Variants in PELP1 observed in about 807,000 individuals in gnomAD.
PELP1 encodes the protein proline, glutamate and leucine rich protein 1.
Under a neutral mutation model 95.5 loss-of-function variants are expected in PELP1, and 32 were observed. The ratio of observed to expected loss-of-function variants is 0.34; its 90% CI spans 0.25 to 0.45. PELP1 has a LOEUF of 0.45. Ranked by LOEUF, PELP1 falls within the 20% of genes least tolerant of loss-of-function variation. The pLI is 1.00. For synonymous variants in PELP1, 668 were observed against 600.1 expected, an observed-to-expected ratio of 1.11 and a Z score of -1.65; for missense variants, 1,358 against 1,444.8, an observed-to-expected ratio of 0.94 and a Z score of 0.97.
chr17:4,682,466 T>C (rs762379052), intron 5 of PELP1, 36 bp downstream of exon 5: 2 of 1,389,536 alleles, frequency 1.4e-6, no homozygotes, highest in Non-Finnish European at 1.0e-6. Context: ...CTCTCAACGC[T>C]TACACTGGTG....
chr17:4,682,944 G>C lies in PELP1; in HGVS notation c.429C>G (p.Asp143Glu), dbSNP rs1567664099. 2 of 1,427,294 alleles carry C rather than the reference G, an allele frequency of 1.4e-6. No homozygotes were observed. The highest frequency in any genetic ancestry group is 1.4e-5 in the South Asian group (1 of 70,172). 88.4% of individuals were successfully genotyped at this position (1,427,294 alleles called of 1,614,324 possible). A position where few individuals can be genotyped will look rare whatever the true frequency, so the allele number is the denominator to read the frequency against. Reference sequence around the variant, plus strand: ...CGGCCAGCTCCATTGTGGCAGGCGGGTCCTGGGTCTAAAGAAAAAAATAAT... The same window carrying C: ...CGGCCAGCTCCATTGTGGCAGGCGGCTCCTGGGTCTAAAGAAAAAAATAAT... Reference protein sequence around the residue: ...RSIQQVLQTQDPPATMELAVA... With the variant: ...RSIQQVLQTQEPPATMELAVA... Residue 143 changes from aspartate (D) to glutamate (E), a missense_variant, in exon 4 of 17, where the codon GAC (aspartate) becomes GAG (glutamate). Asp to Glu is a conservative substitution (Grantham distance 45). Around this residue, in one of 7 missense-constraint regions of PELP1, gnomAD observed 538 missense variants for 628.1 expected, o/e 0.86. Transcript: ENST00000572293.
chr17:4,690,869 G>C lies in PELP1; in HGVS notation c.420+19C>G. 6.7e-7 allele frequency: 1 copy of C among 1,500,636 alleles called. No individual in the cohort carries two copies. The highest frequency in any genetic ancestry group is 9.3e-7 in the Non-Finnish European group (1 of 1,076,710). The allele number at this position is 1,500,636 out of a possible 1,614,324, so 93.0% of individuals were successfully genotyped here. A position where few individuals can be genotyped will look rare whatever the true frequency, so the allele number is the denominator to read the frequency against. On this transcript the variant is annotated intron_variant, in intron 3 of 16. Coordinates refer to ENST00000572293, the MANE Select transcript of PELP1 (RefSeq NM_014389.3). ...AGATGGGGGAGGAGGAGGAAGTAGG[G>C]CAGCAGCTGAAACCTCACCTGTAAC...
At chr17:4,689,622 A>G (rs1405814303) in intron 3 of PELP1, among the ~76,000 whole-genome samples, 8 of 152,250 alleles carry the variant, frequency 5.3e-5, no homozygotes, top group African/African-American at 1.9e-4. Flanking sequence ...AGAGGAAAAG[A>G]AGCCATTATA....
intron 13 of PELP1, 68 bp downstream of exon 13, chr17:4,674,442 A>AG (rs1339564152): frequency 1.1e-5 from 15 of 1,405,228 alleles, no homozygotes; most frequent in Non-Finnish European, 9.9e-7. Flanking sequence ...TAGGTAGGGG[A>AG]GTCCCACTAG....
intron 5 of PELP1, among the ~76,000 whole-genome samples, chr17:4,681,598 G>A (rs979138894): frequency 2.0e-5 from 3 of 151,008 alleles, no homozygotes; most frequent in Non-Finnish European, 4.4e-5. Flanking sequence ...TCAAGAGATC[G>A]AGACCATCCT....
chr17:4,676,886 C>T (rs1912503942), intron 5 of PELP1, 74 bp from the exon 6 acceptor site: 2 of 1,143,374 alleles, frequency 1.7e-6, no homozygotes, highest in Admixed American at 2.1e-5. Context: ...CCATCCGTTC[C>T]CAGCAGCAGA....
Position 4,674,614 on chromosome 17 carries a change from G to A in PELP1, c.1478C>T (p.Ala493Val). The A allele has an allele frequency of 1.2e-6, 2 of 1,606,714 alleles. No individual in the cohort carries two copies. Among genetic ancestry groups the A allele is most frequent in the Non-Finnish European group, 1.7e-6 (2 of 1,177,906 alleles). ...CACATCCAGCTTTAGCTTCTTGGGG[G>A]CGCTAGGCTTCCCAGTCTGCAAACT... The part of the protein sequence containing the change: ...DGSLQTGKPS[A>V]PKKLKLDVGE... The change falls in exon 13 of 17, where the codon GCC becomes GTC. Residue 493 changes from alanine to valine, a missense_variant. By Grantham distance (64) the Ala-to-Val change is moderately conservative. Coordinates refer to ENST00000572293, the MANE Select transcript of PELP1 (RefSeq NM_014389.3).
At position 4,671,370 on chromosome 17, in the gene PELP1, G is replaced by A. The variant is rs1912190653; in HGVS notation, c.*69C>T. 2 of 897,778 alleles carry A rather than the reference G, an allele frequency of 2.2e-6. No individual in the cohort carries two copies. The highest frequency in any genetic ancestry group is 3.7e-6 in the Non-Finnish European group (2 of 536,926). The allele number at this position is 897,778 out of a possible 1,614,324, so 55.6% of individuals were successfully genotyped here. ...GGCTGGGGACCCAGGTGTGGCAAAA[G>A]GCAGAAGCAGCAGTCGCTATCTAAG... On this transcript the variant is annotated 3_prime_UTR_variant, in exon 17 of 17. Coordinates refer to ENST00000572293, the MANE Select transcript of PELP1 (RefSeq NM_014389.3).
At position 4,671,961 on chromosome 17, in the gene PELP1, C is replaced by T. The variant is rs1383936951; in HGVS notation, c.3030G>A (p.Glu1010=). ...CACGCTCCTCCTCCGTCCCTGGCTC[C>T]TCCACTTCCAAAAGCAGCCCGGGTT... ...EPEPGLLLEV[E]EPGTEEERGA... Residue 1010 remains glutamate (E), a synonymous_variant, in exon 16 of 17, where the codon GAG becomes GAA. Transcript: ENST00000572293. 3 of 1,536,908 alleles carry T rather than the reference C, an allele frequency of 2.0e-6. No homozygotes were observed. Among genetic ancestry groups the T allele is most frequent in the Non-Finnish European group, 2.6e-6 (3 of 1,146,980 alleles).
chr17:4,672,829 G>A lies in PELP1; in HGVS notation c.2162C>T (p.Pro721Leu). 6.2e-7 allele frequency: 1 copy of A among 1,613,928 alleles called. No homozygotes were observed. The highest frequency in any genetic ancestry group is 8.5e-7 in the Non-Finnish European group (1 of 1,179,846). Residue 721 changes from proline to leucine, a missense_variant, in exon 16 of 17, where the codon CCC (proline) becomes CTC (leucine). Around this residue, in one of 7 missense-constraint regions of PELP1, gnomAD observed 340 missense variants for 322.9 expected, o/e 1.05. Coordinates refer to ENST00000572293, the MANE Select transcript of PELP1 (RefSeq NM_014389.3). ...GTTCTCAGGGCCAGGAAGAAGCCGG[G>A]GAGGGACAGACACTAGGCCTGGGAC... ...LSVPGLVSVP[P>L]RLLPGPENHR...
rs1173347755 is a variant in PELP1 at position 4,690,945 on chromosome 17, T to C, written c.363A>G (p.Thr121=). The C allele has an allele frequency of 6.2e-7, 1 of 1,613,898 alleles. No homozygotes were observed. The highest frequency in any genetic ancestry group is 8.5e-7 in the Non-Finnish European group (1 of 1,179,782). ...ACACACAGTGCTGCTGGAATAGCTC[T>C]GTGGGGCTCTCCCCTACCAGCAGGG... ...LLSLLVGESP[T]ELFQQHCVSW... is the part of the protein sequence containing the mutation. Residue 121 remains threonine (T), a synonymous_variant, in exon 3 of 17, where the codon ACA becomes ACG. Coordinates refer to ENST00000572293, the MANE Select transcript of PELP1 (RefSeq NM_014389.3).
intron 1 of PELP1, among the ~76,000 whole-genome samples, chr17:4,694,530 G>A (rs1254548634): frequency 1.6e-5 from 2 of 122,136 alleles, no homozygotes; most frequent in Non-Finnish European, 3.3e-5. Flanking sequence ...CGTGGTGGCA[G>A]GCGCCTGTAA....
In PELP1 at chr17:4,675,236, C is replaced by G; in HGVS notation, c.1157+38G>C. On this transcript the variant is annotated intron_variant, in intron 10 of 16. Transcript: ENST00000572293. The surrounding 1 kb of genome is among the most constrained non-coding windows in gnomAD (Gnocchi z 4.3). Reference sequence around the variant, plus strand: ...AATGGTGACCCTCGTTTCTGGCACGCCCTATCCCTTCACCACAGCCAGCCC... The same window carrying G: ...AATGGTGACCCTCGTTTCTGGCACGGCCTATCCCTTCACCACAGCCAGCCC... 1 of 1,599,792 alleles carries G rather than the reference C, an allele frequency of 6.3e-7. No homozygotes were observed.
chr17:4,675,943 C>G lies in PELP1; in HGVS notation c.981-59G>C, dbSNP rs1912450481. The stretch of plus-strand genomic sequence containing the variant: ...CAGGCTCCCTGGCATAACTCCCACA[C>G]CCACCTTCATCTCCTTTCTCCTGAT... On this transcript the variant is annotated intron_variant, in intron 8 of 16. Coordinates refer to ENST00000572293, the MANE Select transcript of PELP1 (RefSeq NM_014389.3). The surrounding 1 kb of genome is among the most constrained non-coding windows in gnomAD (Gnocchi z 4.3). 6.3e-7 allele frequency: 1 copy of G among 1,588,244 alleles called. No homozygotes were observed. Among genetic ancestry groups the G allele is most frequent in the African/African-American group, 1.3e-5 (1 of 74,462 alleles).
Position 4,675,790 on chromosome 17 carries a change from C to A in PELP1, c.1068+7G>T. The A allele has an allele frequency of 6.4e-7, 1 of 1,557,522 alleles. No individual in the cohort carries two copies. Among genetic ancestry groups the A allele is most frequent in the East Asian group, 2.4e-5 (1 of 42,162 alleles). On this transcript the variant is annotated splice_region_variant and intron_variant, in intron 9 of 16. Transcript: ENST00000572293. The surrounding 1 kb of genome is among the most constrained non-coding windows in gnomAD (Gnocchi z 4.3). ...AGGGCTCTGAAGAGATGACAAATCC[C>A]ACTTACAATATTCTTGCTACTGACG...
chr17:4,682,727 C>T (rs556739270), intron 4 of PELP1, 76 bp downstream of exon 4: 1 of 1,479,970 alleles, frequency 6.8e-7, no homozygotes, highest in African/African-American at 1.4e-5. Flanking sequence ...CCAGTCACTT[C>T]CATCAAACAA....
chr17:4,694,204 G>C (rs746124559), intron 1 of PELP1, among the ~76,000 whole-genome samples: 1 of 152,112 alleles, frequency 6.6e-6, no homozygotes, highest in African/African-American at 2.4e-5. Flanking sequence ...GCCTAAAGCT[G>C]GAGGCAGCCA....
In PELP1 at chr17:4,673,588, C is replaced by T. The variant is rs1207594175; in HGVS notation, c.1638+31G>A. On this transcript the variant is annotated intron_variant, in intron 14 of 16. Transcript: ENST00000572293. The surrounding 1 kb of genome is among the most constrained non-coding windows in gnomAD (Gnocchi z 5.7). ...TGTGTACAGAGCAGGGGCCCCTTCCCCTATCTCCACGGAGACGAGGCTCCA... is the reference window on the plus strand; with the variant it reads ...TGTGTACAGAGCAGGGGCCCCTTCCTCTATCTCCACGGAGACGAGGCTCCA... 3.7e-6 allele frequency: 6 copies of T among 1,610,014 alleles called. No individual in the cohort carries two copies. In the East Asian group the frequency reaches 6.7e-5, roughly 18 times the overall value.
intron 3 of PELP1, among the ~76,000 whole-genome samples, chr17:4,683,504 C>G (rs942775543): frequency 2.1e-5 from 3 of 140,744 alleles, no homozygotes; most frequent in Non-Finnish European, 3.1e-5. Context: ...CAGGTGTGAG[C>G]CATCACGCCC....
Sources: allele counts gnomAD v4.1 joint callset (sites outside exome capture counted in the v4.1 genomes callset), GRCh38; gene constraint gnomAD v4.1.1; regional missense constraint gnomAD v4.1.1; non-coding constraint Gnocchi (gnomAD v3.1); transcripts MANE v1.5; gene names NCBI Gene and HGNC (gene_info 2026-07-23, HGNC 2026-07-21).